The following CCNY variants were observed in gnomAD, a reference collection of about 807,000 sequenced individuals.
CCNY encodes cyclin-Y.
A neutral mutation model predicts 42.8 loss-of-function variants in CCNY; 19 were observed. That is an observed-to-expected ratio of 0.44 (90% CI 0.31 to 0.65). The LOEUF (loss-of-function observed/expected upper bound fraction) is 0.65. CCNY is among the 30% of genes least tolerant of loss of function. The probability of loss-of-function intolerance (pLI) is 0.07; values close to 1 mark genes in which losing one functional copy is unlikely to be tolerated. For missense variants in CCNY, 370 were observed against 437.3 expected (o/e 0.85, Z 1.37); for synonymous variants, 165 against 162.7 (o/e 1.01, Z -0.11).
chr10:35,537,033 T>A (rs1159918512), intron 7 of CCNY, among the ~76,000 whole-genome samples: 1 of 152,160 alleles, frequency 6.6e-6, no homozygotes, highest in Non-Finnish European at 1.5e-5. Context: ...AAAAGCGTTT[T>A]GTAGCCTGGG....
At chr10:35,321,369 T>C (rs1396648286) in intron 3 of CCNY, among the ~76,000 whole-genome samples, 1 of 152,006 alleles carries the variant, frequency 6.6e-6, no homozygotes, top group African/African-American at 2.4e-5. Context: ...TACAATGTAA[T>C]CTTAACTGAA....
At chr10:35,426,105 G>GCACACACACACACACACA (rs1356511719) in intron 1 of CCNY, among the ~76,000 whole-genome samples, 1 of 57,970 alleles carries the variant, frequency 1.7e-5, no homozygotes. Context: ...CACTGGTCCA[G>GCACACACACACACACACA]CACGCGCACA....
intron 4 of CCNY, among the ~76,000 whole-genome samples, chr10:35,521,608 G>A (rs1457145873): frequency 6.6e-6 from 1 of 152,220 alleles, no homozygotes; most frequent in African/African-American, 2.4e-5. Flanking sequence ...CTCCTGGGCT[G>A]TTCTCTGAGA....
At position 35,426,111 on chromosome 10, in the gene CCNY, GCACACACACACACACACA is replaced by G. The variant is rs1055933724; in HGVS notation, c.155-57262_155-57245del. Among the ~76,000 whole-genome samples, 209 of 80,498 alleles carry G rather than the reference GCACACACACACACACACA, an allele frequency of 2.6e-3. 3 individuals are homozygous for G. The highest frequency in any genetic ancestry group is 0.01 in the African/African-American group (197 of 18,806). 52.8% of individuals were successfully genotyped at this position (80,498 alleles called of 152,430 possible). A position where few individuals can be genotyped will look rare whatever the true frequency, so the allele number is the denominator to read the frequency against. On this transcript the variant is annotated intron_variant, in intron 1 of 9. Transcript: ENST00000374704. ...TTCTCCCTTCACTGGTCCAGCACGC[GCACACACACACACACACA>G]CACACACACACACACACACACACAC... is the stretch of plus-strand genomic sequence containing the variant.
At chr10:35,404,534 G>A (rs1367516981) in intron 1 of CCNY, among the ~76,000 whole-genome samples, 1 of 152,128 alleles carries the variant, frequency 6.6e-6, no homozygotes, top group Non-Finnish European at 1.5e-5. Flanking sequence ...GGAGGCAAGG[G>A]AAACAGGCCC....
chr10:35,525,291 C>T (rs182484292), intron 4 of CCNY, among the ~76,000 whole-genome samples: 84 of 152,206 alleles, frequency 5.5e-4, no homozygotes, highest in Admixed American at 5.4e-3. Context: ...ATTTTTCTTA[C>T]ATTTTCTAAA....
chr10:35,427,380 C>G (rs1463379051), intron 1 of CCNY, among the ~76,000 whole-genome samples: 1 of 152,120 alleles, frequency 6.6e-6, no homozygotes, highest in Non-Finnish European at 1.5e-5. Context: ...GTGGAAGCAC[C>G]CAGATGTCAC....
At chr10:35,479,154 G>C (rs1413980186) in intron 1 of CCNY, among the ~76,000 whole-genome samples, 1 of 151,292 alleles carries the variant, frequency 6.6e-6, no homozygotes, top group Non-Finnish European at 1.5e-5. Context: ...TTACACTGTT[G>C]GTGGGACTGT....
At chr10:35,315,282 G>A (rs1490109077) in intron 3 of CCNY, 1 of 152,064 alleles carries the variant, frequency 6.6e-6, no homozygotes, top group Non-Finnish European at 1.5e-5. Context: ...CCCTCAAGGA[G>A]GCTTCAGTGT....
At position 35,337,085 on chromosome 10, in the gene CCNY, C is replaced by T; in HGVS notation, c.32C>T (p.Ser11Phe). 6.3e-7 allele frequency: 1 copy of T among 1,593,930 alleles called. No homozygotes were observed. The highest frequency in any genetic ancestry group is 8.5e-7 in the Non-Finnish European group (1 of 1,172,068). The change falls in exon 1 of 10, where the codon TCC becomes TTC. Residue 11 changes from serine (S) to phenylalanine (F), a missense_variant. Physicochemically the swap from Ser to Phe is radical, Grantham distance 155. Around this residue, in one of 2 missense-constraint regions of CCNY, gnomAD observed 136 missense variants for 124.2 expected, o/e 1.09. Coordinates refer to ENST00000374704, the MANE Select transcript of CCNY (RefSeq NM_145012.6). The part of the protein sequence containing the change: MGNTTSCCVS[S>F]SPKLRRNAHS... ...AACACTACCTCGTGCTGCGTGTCGT[C>T]CAGTCCCAAGCTCCGGAGGAATGCC...
At chr10:35,387,616 A>G (rs1564392341) in intron 1 of CCNY, among the ~76,000 whole-genome samples, 1 of 152,230 alleles carries the variant, frequency 6.6e-6, no homozygotes, top group Non-Finnish European at 1.5e-5. Context: ...GCAGGTGTGC[A>G]TGTGTTCTGA....
chr10:35,264,089 A>T lies in CCNY; in HGVS notation c.-9+13463A>T, dbSNP rs374168367. Among the ~76,000 whole-genome samples the T allele has an allele frequency of 7.2e-5, 11 of 152,250 alleles. No homozygotes were observed. The East Asian group carries it at 1.9e-3, about 27-fold the overall frequency. On this transcript the variant is annotated intron_variant, in intron 3 of 11. Transcript: ENST00000374706. The stretch of plus-strand genomic sequence containing the variant: ...TTTATCCAGTCTATCACTGATGGGC[A>T]TTTAGGTTGATTCCATGTCTTTGAT...
chr10:35,553,232 C>G, intron 8 of CCNY, 47 bp downstream of exon 8: 1 of 1,587,370 alleles, frequency 6.3e-7, no homozygotes, highest in Non-Finnish European at 8.6e-7. Context: ...CTTGGCCAGA[C>G]CATTTGGAAA....
In CCNY at chr10:35,477,837, G is replaced by A. The variant is rs199729157; in HGVS notation, c.155-5567G>A. Reference sequence around the variant, plus strand: ...AAAGGGTATTCAATTAGGAAAAGAGGAAGTCAAATTGTCCCTGTTTGCAGA... The same window carrying A: ...AAAGGGTATTCAATTAGGAAAAGAGAAAGTCAAATTGTCCCTGTTTGCAGA... On this transcript the variant is annotated intron_variant, in intron 1 of 9. Coordinates refer to ENST00000374704, the MANE Select transcript of CCNY (RefSeq NM_145012.6). 5.9e-5 allele frequency among the ~76,000 whole-genome samples: 9 copies of A among 151,856 alleles called. No homozygotes were observed. In the East Asian group the frequency reaches 1.7e-3, roughly 29 times the overall value.
chr10:35,426,136 C>CAT (rs1838265699), intron 1 of CCNY, among the ~76,000 whole-genome samples: 1 of 135,904 alleles, frequency 7.4e-6, no homozygotes, highest in Non-Finnish European at 1.6e-5. Flanking sequence ...CACACACACA[C>CAT]ACACACACAC....
At position 35,571,414 on chromosome 10, in the gene CCNY, T is replaced by C. The variant is rs761510342; in HGVS notation, c.*2244T>C. 1 of 152,406 alleles carries C rather than the reference T, an allele frequency of 6.6e-6. No individual in the cohort carries two copies. The highest frequency in any genetic ancestry group is 1.5e-5 in the Non-Finnish European group (1 of 68,042). 9.4% of individuals were successfully genotyped at this position (152,406 alleles called of 1,614,324 possible). On this transcript the variant is annotated 3_prime_UTR_variant, in exon 10 of 10. Transcript: ENST00000374704. ...CCATAAAACCAGACTCAAGTCTTGTTTAGACTACTGAATACTGTTTTAGCC... is the reference window on the plus strand; with the variant it reads ...CCATAAAACCAGACTCAAGTCTTGTCTAGACTACTGAATACTGTTTTAGCC...
At chr10:35,461,968 T>TAA (rs1199618651) in intron 1 of CCNY, among the ~76,000 whole-genome samples, 1 of 152,156 alleles carries the variant, frequency 6.6e-6, no homozygotes, top group Non-Finnish European at 1.5e-5. Context: ...CACCTCTCCT[T>TAA]ACACTCAATA....
intron 3 of CCNY, among the ~76,000 whole-genome samples, chr10:35,310,139 T>C (rs1264532579): frequency 6.6e-6 from 1 of 152,236 alleles, no homozygotes; most frequent in Non-Finnish European, 1.5e-5. Context: ...TGAGATCAAC[T>C]GTTTCAAGTT....
intron 1 of CCNY, among the ~76,000 whole-genome samples, chr10:35,400,780 A>T (rs1837626902): frequency 6.6e-6 from 1 of 152,116 alleles, no homozygotes; most frequent in Admixed American, 6.5e-5. Context: ...TCTTTTCTAG[A>T]GTCTCTTAAA....
Sources: allele counts gnomAD v4.1 joint callset (sites outside exome capture counted in the v4.1 genomes callset), GRCh38; gene constraint gnomAD v4.1.1; regional missense constraint gnomAD v4.1.1; transcripts MANE v1.5; gene names NCBI Gene and HGNC (gene_info 2026-07-23, HGNC 2026-07-21).